The following SIDT2 variants were observed in gnomAD, a reference collection of about 807,000 sequenced individuals.
The protein encoded by SIDT2 is SID1 transmembrane family, member 2.
In SIDT2, 68 loss-of-function variants were observed where a neutral mutation model predicts 114.4. The ratio of observed to expected loss-of-function variants is 0.59; its 90% confidence interval spans 0.49 to 0.73. The LOEUF is 0.73. SIDT2 is among the 30% of genes least tolerant of loss of function. The pLI is 0.00. For missense variants in SIDT2, 918 were observed against 1,097.1 expected (o/e 0.84, Z 2.31); for synonymous variants, 470 against 438.4 (o/e 1.07, Z -0.90).
chr11:117,187,954 G>A (rs769397353), intron 12 of SIDT2: 1 of 665,396 alleles, frequency 1.5e-6, no homozygotes, highest in South Asian at 1.5e-5. Context: ...CATTGCCATG[G>A]GTAGACCTGG....
intron 10 of SIDT2, 122 bp downstream of exon 10, chr11:117,186,758 G>A (rs185086244): frequency 2.0e-6 from 2 of 975,974 alleles, no homozygotes; most frequent in African/African-American, 1.6e-5. Context: ...GTTCAGATGG[G>A]GGTAACACTC....
At chr11:117,189,610 C>A (rs932842811) in intron 15 of SIDT2, 13 of 618,664 alleles carry the variant, frequency 2.1e-5, no homozygotes, top group African/African-American at 3.7e-5. Context: ...GAGCAGCCCG[C>A]ACTAAAGATA....
rs187173072 is a variant in SIDT2, at chr11:117,185,166, C to T, written c.869-964C>T. Among the ~76,000 whole-genome samples, 1,392 of 152,052 alleles carry T rather than the reference C, an allele frequency of 9.2e-3. 24 individuals carry two copies. The highest frequency in any genetic ancestry group is 0.032 in the African/African-American group (1,323 of 41,454). ...CCAGGTTCACGCCATTCTCCTGCCT[C>T]AGCCTACCGAGTAGCTGGGACTACA... On this transcript the variant is annotated intron_variant, in intron 8 of 25. Transcript: ENST00000324225.
rs375342078 is a variant in SIDT2 at position 117,190,625 on chromosome 11, A to T, written c.1620A>T (p.Glu540Asp). 8.2e-6 allele frequency: 13 copies of T among 1,576,434 alleles called. No individual in the cohort carries two copies. In the African/African-American group the frequency reaches 1.6e-4, roughly 20 times the overall value. The change falls in exon 18 of 26, where the codon GAA (glutamate) becomes GAT (aspartate). Residue 540 changes from glutamate (E) to aspartate (D), a missense_variant and splice_region_variant. By Grantham distance (45) the Glu-to-Asp change is conservative. Coordinates refer to ENST00000324225, the MANE Select transcript of SIDT2 (RefSeq NM_001040455.2). The surrounding 1 kb of genome is among the most constrained non-coding windows in gnomAD (Gnocchi z 4.1). ...ALLRNDLCAL[E>D]CGIPKHFGLF... ...TCCCTTCTCTCTCTCCCCAACAGGA[A>T]TGTGGGATCCCCAAACACTTTGGGC...
rs1434995999 is a variant in SIDT2, at chr11:117,181,430, T to A, written c.198T>A (p.Arg66=). 6.2e-7 allele frequency: 1 copy of A among 1,613,344 alleles called. No individual in the cohort carries two copies. Among genetic ancestry groups the A allele is most frequent in the South Asian group, 1.1e-5 (1 of 91,042 alleles). ...TCGTTCTGCAGACAGAGGGCGTGCG[T>A]GTGTCTGTGAACGTCCTGAACAAGC... is the stretch of plus-strand genomic sequence containing the variant. ...TVTRNRTEGV[R]VSVNVLNKQK... The change falls in exon 2 of 26, where the codon CGT becomes CGA. Residue 66 remains arginine (R), a synonymous_variant. Coordinates refer to ENST00000324225, the MANE Select transcript of SIDT2 (RefSeq NM_001040455.2).
chr11:117,188,887 C>T lies in SIDT2; in HGVS notation c.1278+61C>T, dbSNP rs887241256. The T allele has an allele frequency of 2.0e-5, 30 of 1,477,898 alleles. No homozygotes were observed. Among genetic ancestry groups the T allele is most frequent in the African/African-American group, 1.1e-4 (8 of 72,026 alleles). The allele number at this position is 1,477,898 out of a possible 1,614,324, so 91.5% of individuals were successfully genotyped here. A position where few individuals can be genotyped will look rare whatever the true frequency, so the allele number is the denominator to read the frequency against. On this transcript the variant is annotated intron_variant, in intron 13 of 25. Coordinates refer to ENST00000324225, the MANE Select transcript of SIDT2 (RefSeq NM_001040455.2). The surrounding 1 kb of genome is among the most constrained non-coding windows in gnomAD (Gnocchi z 4.0). ...CTGAGAAAGGGACATTCTGCGTTCC[C>T]GCCCCAGCATGTTCCCACTGACGTG...
In SIDT2 at chr11:117,181,488, C is replaced by A. The variant is rs773432083; in HGVS notation, c.256C>A (p.Gln86Lys). The change falls in exon 2 of 26, where the codon CAG becomes AAG. Residue 86 changes from glutamine (Q) to lysine (K), a missense_variant. By Grantham distance (53) the Gln-to-Lys change is moderately conservative (BLOSUM62 1). Coordinates refer to ENST00000324225, the MANE Select transcript of SIDT2 (RefSeq NM_001040455.2). ...KGAPLLFVVR[Q>K]KEAVVSFQVP... ...GGCGCCGTTGCTGTTTGTGGTCCGC[C>A]AGAAGGAGGCTGTGGTGTCCTTCCA... is the stretch of plus-strand genomic sequence containing the variant. The A allele has an allele frequency of 6.8e-5, 110 of 1,613,710 alleles. No individual in the cohort carries two copies. Among genetic ancestry groups the A allele is most frequent in the Non-Finnish European group, 9.0e-5 (106 of 1,179,966 alleles).
At position 117,192,917 on chromosome 11, in the gene SIDT2, G is replaced by C; in HGVS notation, c.2105+51G>C. The C allele has an allele frequency of 6.2e-7, 1 of 1,610,332 alleles. No homozygotes were observed. The highest frequency in any genetic ancestry group is 8.5e-7 in the Non-Finnish European group (1 of 1,176,724). ...TGGTTGGGTGGACAGCTGGGGACTCGGTCAGCCACTGGCTGCCTTGGGGGC... is the reference window on the plus strand; with the variant it reads ...TGGTTGGGTGGACAGCTGGGGACTCCGTCAGCCACTGGCTGCCTTGGGGGC... On this transcript the variant is annotated intron_variant, in intron 22 of 25. Coordinates refer to ENST00000324225, the MANE Select transcript of SIDT2 (RefSeq NM_001040455.2). The surrounding 1 kb of genome is among the most constrained non-coding windows in gnomAD (Gnocchi z 5.9).
Position 117,179,275 on chromosome 11 carries a change from G to A in SIDT2, c.12G>A (p.Leu4=), listed in dbSNP as rs2030165383. ...GCCCTGCCGGGGCCATGTTCGCTCT[G>A]GGCTTGCCCTTCTTGGTGCTCTTGG... The part of the protein sequence containing the change: MFA[L]GLPFLVLLVA... Residue 4 remains leucine, a synonymous_variant, in exon 1 of 26, where the codon CTG becomes CTA. Transcript: ENST00000324225. The A allele has an allele frequency of 6.2e-7, 1 of 1,613,238 alleles. No individual in the cohort carries two copies.
At chr11:117,186,524 C>T (rs1289514269) in intron 9 of SIDT2, 60 bp from the exon 10 acceptor site, 3 of 1,467,264 alleles carry the variant, frequency 2.0e-6, no homozygotes, top group Non-Finnish European at 1.8e-6. Flanking sequence ...AAAGTCAGCC[C>T]CATACAGAGT....
intron 15 of SIDT2, chr11:117,189,672 G>A (rs2030630094): frequency 1.7e-6 from 1 of 598,756 alleles, no homozygotes; most frequent in Non-Finnish European, 3.0e-6. Context: ...CTGGGGCTTT[G>A]TAAGCATCAG....
chr11:117,193,856 C>T lies in SIDT2; in HGVS notation c.2215C>T (p.Arg739Trp). 1 of 1,613,678 alleles carries T rather than the reference C, an allele frequency of 6.2e-7. No homozygotes were observed. Among genetic ancestry groups the T allele is most frequent in the Non-Finnish European group, 8.5e-7 (1 of 1,179,730 alleles). ...YFAFYIIMKL[R>W]SGERIKLIPL... is the part of the protein sequence containing the mutation. ...GTCCCTGCCTGGCCCCTCCCAGCTC[C>T]GGAGTGGGGAGAGGATCAAGCTCAT... Residue 739 changes from arginine to tryptophan, a missense_variant, in exon 24 of 26, where the codon CGG becomes TGG. Arg to Trp is a moderately radical substitution (Grantham distance 101). Coordinates refer to ENST00000324225, the MANE Select transcript of SIDT2 (RefSeq NM_001040455.2).
In SIDT2 at chr11:117,193,928, CTCT is replaced by C. The variant is rs369807521; in HGVS notation, c.2299_2301del (p.Phe767del). On this transcript the variant is annotated inframe_deletion, in exon 24 of 26. Transcript: ENST00000324225. ...CACCTCCGTGGTCTGGGGCTTCGCG[CTCT>C]TCTTCTTCTTCCAGGGACTCAGCAC... 1.5e-5 allele frequency: 25 copies of C among 1,613,596 alleles called. No individual in the cohort carries two copies. Among genetic ancestry groups the C allele is most frequent in the African/African-American group, 4.0e-5 (3 of 74,926 alleles).
chr11:117,186,554 C>G (rs770391096), intron 9 of SIDT2, 30 bp from the exon 10 acceptor site: 2 of 1,538,968 alleles, frequency 1.3e-6, no homozygotes, highest in Non-Finnish European at 1.7e-6. Flanking sequence ...CCTGTCCCAT[C>G]TGGGTGGCCT....
intron 4 of SIDT2, 75 bp from the exon 5 acceptor site, chr11:117,182,444 G>C: frequency 3.7e-6 from 5 of 1,338,606 alleles, no homozygotes; most frequent in Non-Finnish European, 5.4e-6. Flanking sequence ...CGCTTATAGG[G>C]GACTATTCCC....
chr11:117,185,012 C>G (rs1215694463), intron 8 of SIDT2, among the ~76,000 whole-genome samples: 1 of 151,732 alleles, frequency 6.6e-6, no homozygotes, highest in East Asian at 1.9e-4. Context: ...AGGCATGAGC[C>G]ACCGTGCCCA....
rs957698973 is a variant in SIDT2, at chr11:117,196,216, C to T, written c.*150C>T. The T allele has an allele frequency of 1.3e-5, 14 of 1,055,514 alleles. No individual in the cohort carries two copies. The highest frequency in any genetic ancestry group is 1.8e-5 in the Non-Finnish European group (13 of 732,840). 65.4% of individuals were successfully genotyped at this position (1,055,514 alleles called of 1,614,324 possible). ...CAGCCAGGTCTAGCTTAGGCTTGGCCTGGGACAGCCATGGGGTGGCATGGA... is the reference window on the plus strand; with the variant it reads ...CAGCCAGGTCTAGCTTAGGCTTGGCTTGGGACAGCCATGGGGTGGCATGGA... On this transcript the variant is annotated 3_prime_UTR_variant, in exon 26 of 26. Transcript: ENST00000324225. The surrounding 1 kb of genome is among the most constrained non-coding windows in gnomAD (Gnocchi z 4.9).
At chr11:117,182,177 G>T (rs1010703330) in intron 4 of SIDT2, 72 bp downstream of exon 4, 1 of 1,560,106 alleles carries the variant, frequency 6.4e-7, no homozygotes, top group East Asian at 2.3e-5. Context: ...AGTGGCCAGC[G>T]GTCTTTGCTT....
intron 7 of SIDT2, 80 bp downstream of exon 7, chr11:117,183,958 G>T: frequency 2.7e-6 from 4 of 1,502,532 alleles, no homozygotes; most frequent in Non-Finnish European, 3.7e-6. Context: ...CTGCGTGGCT[G>T]ATTGGTGGAC....
Sources: allele counts gnomAD v4.1 joint callset (sites outside exome capture counted in the v4.1 genomes callset), GRCh38; gene constraint gnomAD v4.1.1; non-coding constraint Gnocchi (gnomAD v3.1); transcripts MANE v1.5; gene names NCBI Gene and HGNC (gene_info 2026-07-23, HGNC 2026-07-21).